The following MOB3A variants were observed in gnomAD, a reference collection of about 807,000 sequenced individuals.
The protein encoded by MOB3A is MOB kinase activator 3A.
A neutral mutation model predicts 17.8 loss-of-function variants in MOB3A; 17 were observed. The observed-to-expected ratio is 0.95, with a 90% CI of 0.65 to 1.43. MOB3A has a LOEUF of 1.43. Among genes scored for constraint, MOB3A ranks in the 40% most tolerant of loss-of-function variants. The pLI is 0.00. For missense variants in MOB3A, 333 were observed against 310.8 expected (o/e 1.07, Z -0.54); for synonymous variants, 124 against 133.2 (o/e 0.93, Z 0.48).
chr19:2,073,766 C>G (rs1445968422), intron 4 of MOB3A, among the ~76,000 whole-genome samples: 2 of 152,186 alleles, frequency 1.3e-5, no homozygotes, highest in African/African-American at 4.8e-5. Flanking sequence ...CTTGGTGGCT[C>G]ACGCCTGTAA....
rs925610808 is a variant in MOB3A, at chr19:2,078,574, G to A, written c.-14C>T. On this transcript the variant is annotated 5_prime_UTR_variant, in exon 3 of 5. Coordinates refer to ENST00000357066, the MANE Select transcript of MOB3A (RefSeq NM_130807.3). The stretch of plus-strand genomic sequence containing the variant: ...GGGGTTGGACATCTTGGTGACGCCT[G>A]CTCTCCTGGACTTCTGTAGAGGGGT... The A allele has an allele frequency of 4.5e-6, 7 of 1,553,460 alleles. No homozygotes were observed. Among genetic ancestry groups the A allele is most frequent in the Non-Finnish European group, 5.2e-6 (6 of 1,146,150 alleles).
chr19:2,084,312 G>A (rs1035493096), intron 2 of MOB3A: 6 of 363,952 alleles, frequency 1.6e-5, no homozygotes, highest in East Asian at 9.4e-5. Context: ...GGCCAACATG[G>A]TGAAACCCTA....
rs779137366 is a variant in MOB3A at position 2,084,323 on chromosome 19, T to A, written c.-120+852A>T. ...GCCTGGCCAACATGGTGAAACCCTA[T>A]CTCCACTAAAAATACAAAAAACTAG... On this transcript the variant is annotated intron_variant, in intron 2 of 4. Coordinates refer to ENST00000357066, the MANE Select transcript of MOB3A (RefSeq NM_130807.3). 1.1e-3 allele frequency: 373 copies of A among 347,280 alleles called. 2 individuals are homozygous for A. Among genetic ancestry groups the A allele is most frequent in the Non-Finnish European group, 1.4e-3 (236 of 173,662 alleles). 21.5% of individuals were successfully genotyped at this position (347,280 alleles called of 1,614,324 possible). A position where few individuals can be genotyped will look rare whatever the true frequency, so the allele number is the denominator to read the frequency against.
chr19:2,087,050 C>A (rs2017562074), intron 1 of MOB3A, among the ~76,000 whole-genome samples: 1 of 152,154 alleles, frequency 6.6e-6, no homozygotes, highest in Non-Finnish European at 1.5e-5. Context: ...CTCAGCCACC[C>A]AAAGTGCAGG....
chr19:2,087,107 C>A (rs562644789), intron 1 of MOB3A, among the ~76,000 whole-genome samples: 1 of 152,320 alleles, frequency 6.6e-6, no homozygotes, highest in African/African-American at 2.4e-5. Flanking sequence ...TGACTTCTCT[C>A]GTGGGAAAGC....
chr19:2,081,795 A>T (rs1276672773), intron 2 of MOB3A, among the ~76,000 whole-genome samples: 2 of 152,086 alleles, frequency 1.3e-5, no homozygotes, highest in Non-Finnish European at 2.9e-5. Context: ...GAGGCAGGAG[A>T]ATCGCTTGAA....
In MOB3A at chr19:2,082,620, C is replaced by A. The variant is rs563965746; in HGVS notation, c.-120+2555G>T. ...CCACAACTCCCTAAATTCAGCAACT[C>A]TCAGGGATGCAGGCAGCCGTCTGAT... On this transcript the variant is annotated intron_variant, in intron 2 of 4. Coordinates refer to ENST00000357066, the MANE Select transcript of MOB3A (RefSeq NM_130807.3). This position sits in a 1 kb window ranked among gnomAD's most constrained non-coding sequence, Gnocchi z 4.1. Among the ~76,000 whole-genome samples the A allele has an allele frequency of 3.3e-5, 5 of 152,318 alleles. No homozygotes were observed. Among genetic ancestry groups the A allele is most frequent in the African/African-American group, 1.2e-4 (5 of 41,574 alleles).
Position 2,078,699 on chromosome 19 carries a change from C to G in MOB3A, c.-119-20G>C. On this transcript the variant is annotated intron_variant, in intron 2 of 4. Coordinates refer to ENST00000357066, the MANE Select transcript of MOB3A (RefSeq NM_130807.3). ...GCGGACCTGAAATACACAGGGGAAT[C>G]ATGACCTGCTGGAGGCGACAGAATT... is the stretch of plus-strand genomic sequence containing the variant. 1 of 796,644 alleles carries G rather than the reference C, an allele frequency of 1.3e-6. No individual in the cohort carries two copies. Among genetic ancestry groups the G allele is most frequent in the Admixed American group, 3.1e-5 (1 of 32,510 alleles). 49.3% of individuals were successfully genotyped at this position (796,644 alleles called of 1,614,324 possible). A position where few individuals can be genotyped will look rare whatever the true frequency, so the allele number is the denominator to read the frequency against.
chr19:2,073,329 G>A lies in MOB3A; in HGVS notation c.*66C>T. On this transcript the variant is annotated 3_prime_UTR_variant, in exon 5 of 5. Transcript: ENST00000357066. ...GGAGAGAAGCGGGATGATGGTTCCA[G>A]AGCGTCCTCCTCCAAGTCTCCGAGG... 1.3e-6 allele frequency: 2 copies of A among 1,589,378 alleles called. No homozygotes were observed. Among genetic ancestry groups the A allele is most frequent in the Non-Finnish European group, 8.6e-7 (1 of 1,161,006 alleles).
At chr19:2,091,800 T>C (rs1302383730) in intron 1 of MOB3A, among the ~76,000 whole-genome samples, 5 of 150,854 alleles carry the variant, frequency 3.3e-5, no homozygotes, top group Admixed American at 1.3e-4. Context: ...AGTTTGAGAC[T>C]GGCCTGGCCG....
chr19:2,089,229 C>T lies in MOB3A; in HGVS notation c.-273-3901G>A, dbSNP rs186618958. 2.0e-5 allele frequency among the ~76,000 whole-genome samples: 3 copies of T among 152,256 alleles called. No individual in the cohort carries two copies. The East Asian group carries it at 5.8e-4, about 29-fold the overall frequency. On this transcript the variant is annotated intron_variant, in intron 1 of 4. Coordinates refer to ENST00000357066, the MANE Select transcript of MOB3A (RefSeq NM_130807.3). ...GTGAAACTCATCATTTCCTGGCTGG[C>T]GGGAGGGGCTCACCCGTGCTGCACG...
chr19:2,072,467 G>T lies in MOB3A; in HGVS notation c.*928C>A, dbSNP rs2017350328. On this transcript the variant is annotated 3_prime_UTR_variant, in exon 5 of 5. Coordinates refer to ENST00000357066, the MANE Select transcript of MOB3A (RefSeq NM_130807.3). ...AAAAAATAAAAATCTCAAGATGGTT[G>T]TAAATGTGACTATAAAAATCAAACC... is the stretch of plus-strand genomic sequence containing the variant. 6.6e-6 allele frequency: 1 copy of T among 152,080 alleles called. No homozygotes were observed. The highest frequency in any genetic ancestry group is 1.9e-4 in the East Asian group (1 of 5,178). The allele number at this position is 152,080 out of a possible 1,614,324, so 9.4% of individuals were successfully genotyped here.
At position 2,085,169 on chromosome 19, in the gene MOB3A, G is replaced by A. The variant is rs972777012; in HGVS notation, c.-120+6C>T. The A allele has an allele frequency of 6.6e-6, 1 of 152,122 alleles. No individual in the cohort carries two copies. The highest frequency in any genetic ancestry group is 1.5e-5 in the Non-Finnish European group (1 of 68,026). 9.4% of individuals were successfully genotyped at this position (152,122 alleles called of 1,614,324 possible). ...TCGTTGTCCCCTGAGGCCGGGGGCA[G>A]GTTACCGTGTCTGGGGCTCCCTCCG... On this transcript the variant is annotated splice_donor_region_variant and intron_variant, in intron 2 of 4. Coordinates refer to ENST00000357066, the MANE Select transcript of MOB3A (RefSeq NM_130807.3).
intron 1 of MOB3A, among the ~76,000 whole-genome samples, chr19:2,092,971 T>C (rs2017630219): frequency 6.6e-6 from 1 of 151,916 alleles, no homozygotes; most frequent in Non-Finnish European, 1.5e-5. Context: ...GTTTCTGAAG[T>C]CGGATTTACC....
At chr19:2,095,568 G>A (rs1006359946) in intron 1 of MOB3A, among the ~76,000 whole-genome samples, 3 of 152,132 alleles carry the variant, frequency 2.0e-5, no homozygotes, top group African/African-American at 7.2e-5. Flanking sequence ...CAGCGGGCAG[G>A]GCCAGGAGTT....
At position 2,091,529 on chromosome 19, in the gene MOB3A, G is replaced by A. The variant is rs917499179; in HGVS notation, c.-274+4697C>T. 1.5e-3 allele frequency among the ~76,000 whole-genome samples: 228 copies of A among 150,522 alleles called. 1 individual carries two copies. Among genetic ancestry groups the A allele is most frequent in the Middle Eastern group, 3.4e-3 (1 of 292 alleles). On this transcript the variant is annotated intron_variant, in intron 1 of 4. Coordinates refer to ENST00000357066, the MANE Select transcript of MOB3A (RefSeq NM_130807.3). ...CTCCCAAGTAGCTGGGATTACAGGC[G>A]CCCGCCACTACGCCCAGCTAATTTT...
chr19:2,071,965 G>C lies in MOB3A; in HGVS notation c.*1430C>G, dbSNP rs965522720. On this transcript the variant is annotated 3_prime_UTR_variant, in exon 5 of 5. Transcript: ENST00000357066. ...GAGGCTGAGGCTGGTGGATCACAAGGTCAGGAGATCAAGACCATCCTGGCT... is the reference window on the plus strand; with the variant it reads ...GAGGCTGAGGCTGGTGGATCACAAGCTCAGGAGATCAAGACCATCCTGGCT... The C allele has an allele frequency of 7.9e-5, 12 of 151,722 alleles. No homozygotes were observed. The highest frequency in any genetic ancestry group is 2.2e-4 in the African/African-American group (9 of 41,310). The allele number at this position is 151,722 out of a possible 1,614,324, so 9.4% of individuals were successfully genotyped here.
At chr19:2,095,770 C>T (rs1599416188) in intron 1 of MOB3A, among the ~76,000 whole-genome samples, 2 of 146,002 alleles carry the variant, frequency 1.4e-5, no homozygotes, top group African/African-American at 2.6e-5. Context: ...TTTTTTTTTT[C>T]CCCCGCTCTG....
chr19:2,083,842 T>C (rs751523103), intron 2 of MOB3A, among the ~76,000 whole-genome samples: 26 of 152,196 alleles, frequency 1.7e-4, no homozygotes, highest in Non-Finnish European at 3.1e-4. Context: ...AGCAGTGGTA[T>C]TGCAGCCCTG....
Sources: gnomAD v4.1 joint callset for allele counts (sites outside exome capture counted in the v4.1 genomes callset) on GRCh38, gnomAD v4.1.1 for gene constraint, Gnocchi (gnomAD v3.1) non-coding constraint, MANE v1.5 for transcripts, NCBI Gene and HGNC (gene_info 2026-07-23, HGNC 2026-07-21) for gene names.